The following PDE11A variants were observed in gnomAD, a reference collection of about 807,000 sequenced individuals.
PDE11A encodes the protein dual 3',5'-cyclic-AMP and -GMP phosphodiesterase 11A.
PDE11A carries 100 observed loss-of-function variants against 100.5 expected under a neutral mutation model. That is an observed-to-expected ratio of 1.00 (90% confidence interval 0.85 to 1.18). The LOEUF is 1.18. Among genes scored for constraint, PDE11A ranks in the 50% most tolerant of loss-of-function variants. The pLI, the probability that PDE11A is intolerant of heterozygous loss-of-function variation, is 0.00. For missense variants in PDE11A, 1,141 were observed against 1,152.6 expected, an observed-to-expected ratio of 0.99 and a Z score of 0.15; for synonymous variants, 381 against 420.8, an observed-to-expected ratio of 0.91 and a Z score of 1.16.
chr2:177,745,409 T>C (rs2081934508), intron 10 of PDE11A, among the ~76,000 whole-genome samples: 1 of 152,202 alleles, frequency 6.6e-6, no homozygotes, highest in Non-Finnish European at 1.5e-5. Context: ...AGCCCTGTTT[T>C]AGATTCACCT....
Position 177,804,088 on chromosome 2 carries a change from G to A in PDE11A, c.1737+12741C>T, listed in dbSNP as rs928254964. On this transcript the variant is annotated intron_variant, in intron 9 of 19. Coordinates refer to ENST00000286063, the MANE Select transcript of PDE11A (RefSeq NM_016953.4). ...TATGACCAAGCCCTCAAAAGCAAAG[G>A]CAACAAAAACAAAAATAGACAAATG... Among the ~76,000 whole-genome samples, 8 of 151,648 alleles carry A rather than the reference G, an allele frequency of 5.3e-5. No individual in the cohort carries two copies. The East Asian group carries it at 1.5e-3, about 29-fold the overall frequency.
In PDE11A at chr2:177,960,927, G is replaced by A. The variant is rs573799127; in HGVS notation, c.1071+53375C>T. On this transcript the variant is annotated intron_variant, in intron 2 of 19. Coordinates refer to ENST00000286063, the MANE Select transcript of PDE11A (RefSeq NM_016953.4). Reference sequence around the variant, plus strand: ...GGTCACAAGTTGATGCAGAACCACCGTCAGTGGTAAAGAAGATGTCAATCT... The same window carrying A: ...GGTCACAAGTTGATGCAGAACCACCATCAGTGGTAAAGAAGATGTCAATCT... Among the ~76,000 whole-genome samples, 45 of 152,236 alleles carry A rather than the reference G, an allele frequency of 3.0e-4. 1 individual carries two copies. The South Asian group carries it at 4.2e-3, about 14-fold the overall frequency.
intron 18 of PDE11A, among the ~76,000 whole-genome samples, chr2:177,666,568 C>A (rs1032547082): frequency 2.0e-5 from 3 of 152,148 alleles, no homozygotes; most frequent in Non-Finnish European, 4.4e-5. Context: ...TTGTTATTGT[C>A]TGTCTTTTTT....
At chr2:177,945,875 T>TG (rs1220068436) in intron 2 of PDE11A, among the ~76,000 whole-genome samples, 10 of 112,474 alleles carry the variant, frequency 8.9e-5, no homozygotes, top group African/African-American at 1.3e-4. Context: ...GGGAGGGAGG[T>TG]GGGGGGGTCA....
At chr2:177,646,559 G>A (rs1450499621) in intron 19 of PDE11A, among the ~76,000 whole-genome samples, 4 of 152,212 alleles carry the variant, frequency 2.6e-5, no homozygotes, top group East Asian at 1.9e-4. Context: ...GAGCTGAAAT[G>A]TCAGTCCAGG....
At chr2:177,996,719 C>T (rs1281473653) in intron 2 of PDE11A, among the ~76,000 whole-genome samples, 2 of 152,066 alleles carry the variant, frequency 1.3e-5, no homozygotes, top group African/African-American at 4.8e-5. Context: ...GCACCACTGC[C>T]TAGCAGCTTT....
chr2:177,848,620 A>G (rs1295130749), intron 5 of PDE11A, among the ~76,000 whole-genome samples: 1 of 152,256 alleles, frequency 6.6e-6, no homozygotes, highest in Non-Finnish European at 1.5e-5. Context: ...GAGCTCAAAT[A>G]TATTGACTGT....
intron 4 of PDE11A, among the ~76,000 whole-genome samples, chr2:177,882,467 C>T (rs1288558563): frequency 6.6e-6 from 1 of 152,030 alleles, no homozygotes; most frequent in Non-Finnish European, 1.5e-5. Context: ...TTATATAATT[C>T]TTAGTTTTAT....
In PDE11A at chr2:177,645,954, T is replaced by A. The variant is rs137905645; in HGVS notation, c.2647-16392A>T. 1.6e-3 allele frequency among the ~76,000 whole-genome samples: 249 copies of A among 152,336 alleles called. 1 individual carries two copies. The highest frequency in any genetic ancestry group is 5.1e-3 in the African/African-American group (212 of 41,570). ...ATGCATTACAGCAGTTTTATCTCCT[T>A]CTTTCTTTTCTCTTTCCAGTTCCTT... On this transcript the variant is annotated intron_variant, in intron 19 of 19. Transcript: ENST00000286063.
In PDE11A at chr2:177,816,189, CA is replaced by C. The variant is rs201167224; in HGVS notation, c.1737+639del. On this transcript the variant is annotated intron_variant, in intron 9 of 19. Transcript: ENST00000286063. The stretch of plus-strand genomic sequence containing the variant: ...TGGCACCACTGTACTCCAGCCTGGG[CA>C]AAAAAAACAAAAACAAAAACAAAAC... Among the ~76,000 whole-genome samples, 4 of 148,142 alleles carry C rather than the reference CA, an allele frequency of 2.7e-5. No individual in the cohort carries two copies. In the East Asian group the frequency reaches 6.2e-4, roughly 23 times the overall value.
intron 5 of PDE11A, among the ~76,000 whole-genome samples, chr2:177,854,431 G>C (rs2083793245): frequency 1.3e-5 from 2 of 151,902 alleles, no homozygotes; most frequent in South Asian, 4.2e-4. Context: ...CATTACCAAG[G>C]CTTCCTTTCC....
At chr2:177,964,576 T>C (rs1444070057) in intron 2 of PDE11A, among the ~76,000 whole-genome samples, 4 of 152,200 alleles carry the variant, frequency 2.6e-5, no homozygotes, top group Non-Finnish European at 5.9e-5. Flanking sequence ...CGTCTATTGT[T>C]CCCTTCTTTG....
chr2:177,880,477 G>A (rs1455616383), intron 4 of PDE11A, among the ~76,000 whole-genome samples: 1 of 152,162 alleles, frequency 6.6e-6, no homozygotes, highest in Non-Finnish European at 1.5e-5. Context: ...ATGACTCCAT[G>A]AGCAGAGTCC....
intron 2 of PDE11A, among the ~76,000 whole-genome samples, chr2:177,969,063 A>G (rs1226320106): frequency 6.6e-6 from 1 of 152,182 alleles, no homozygotes; most frequent in Non-Finnish European, 1.5e-5. Flanking sequence ...TGTGACACAT[A>G]TACACCATGG....
intron 12 of PDE11A, among the ~76,000 whole-genome samples, chr2:177,714,010 T>TG (rs1491025789): frequency 5.9e-5 from 8 of 135,818 alleles, no homozygotes; most frequent in African/African-American, 2.4e-4. Flanking sequence ...TTTTTTTTTT[T>TG]TGAGACGGAG....
chr2:177,919,102 ATT>A (rs199920848), intron 2 of PDE11A, among the ~76,000 whole-genome samples: 1 of 146,072 alleles, frequency 6.8e-6, no homozygotes, highest in Non-Finnish European at 1.5e-5. Context: ...AAGATTTAAC[ATT>A]TTTTTTTTTT....
chr2:177,936,126 T>C (rs930305949), intron 2 of PDE11A, among the ~76,000 whole-genome samples: 3 of 152,228 alleles, frequency 2.0e-5, no homozygotes, highest in African/African-American at 7.2e-5. Context: ...GAGAGTGAGA[T>C]GTTGACAGAG....
Position 177,623,801 on chromosome 2 carries a change from G to C in PDE11A, c.*5606C>G, listed in dbSNP as rs2079796161. 1 of 152,154 alleles carries C rather than the reference G, an allele frequency of 6.6e-6. No individual in the cohort carries two copies. The highest frequency in any genetic ancestry group is 1.5e-5 in the Non-Finnish European group (1 of 68,020). 9.4% of individuals were successfully genotyped at this position (152,154 alleles called of 1,614,324 possible). ...GACATTGGTGTAGTTATGTTATACA[G>C]ATAAACAATTTATCTTTAGCAGTGA... On this transcript the variant is annotated 3_prime_UTR_variant, in exon 20 of 20. Coordinates refer to ENST00000286063, the MANE Select transcript of PDE11A (RefSeq NM_016953.4).
intron 12 of PDE11A, among the ~76,000 whole-genome samples, chr2:177,725,117 A>G (rs1334966772): frequency 6.6e-6 from 1 of 152,124 alleles, no homozygotes; most frequent in African/African-American, 2.4e-5. Flanking sequence ...ATGAGTGCCC[A>G]TTGGTGGTAA....
Sources: allele counts gnomAD v4.1 joint callset (sites outside exome capture counted in the v4.1 genomes callset), GRCh38; gene constraint gnomAD v4.1.1; transcripts MANE v1.5; gene names NCBI Gene and HGNC (gene_info 2026-07-23, HGNC 2026-07-21).